The following CACNA2D3 variants were observed in gnomAD, a reference collection of about 807,000 sequenced individuals.
CACNA2D3 encodes calcium voltage-gated channel auxiliary subunit alpha2delta 3, also known as voltage-dependent calcium channel subunit alpha-2/delta-3.
CACNA2D3 carries 60 observed loss-of-function variants against 160.6 expected under a neutral mutation model. The ratio of observed to expected loss-of-function variants is 0.37; its 90% confidence interval spans 0.30 to 0.46. The LOEUF (loss-of-function observed/expected upper bound fraction) is 0.46. Among genes scored for constraint, CACNA2D3 ranks in the 20% least tolerant of loss-of-function variants. The pLI is 1.00. For synonymous variants in CACNA2D3, 558 were observed against 492.9 expected (o/e 1.13, Z -1.75); for missense variants, 1,205 against 1,365.0 (o/e 0.88, Z 1.85).
intron 11 of CACNA2D3, among the ~76,000 whole-genome samples, chr3:54,643,385 G>A (rs944140080): frequency 2.6e-5 from 4 of 152,122 alleles, no homozygotes; most frequent in Admixed American, 6.5e-5. Flanking sequence ...TTAAGACTAC[G>A]TACATTTTGT....
chr3:55,009,363 T>C (rs1703162164), intron 33 of CACNA2D3, 25 bp from the exon 34 acceptor site: 3 of 1,610,718 alleles, frequency 1.9e-6, no homozygotes, highest in Non-Finnish European at 2.5e-6. Context: ...CGAAGTAACA[T>C]TGGGCTTTTC....
At chr3:54,886,809 A>G (rs2106856424) in intron 23 of CACNA2D3, among the ~76,000 whole-genome samples, 1 of 151,836 alleles carries the variant, frequency 6.6e-6, no homozygotes, top group East Asian at 1.9e-4. Flanking sequence ...ATATTTTTGA[A>G]ATTTGTGTTG....
chr3:55,068,464 A>G (rs1704719916), intron 35 of CACNA2D3, among the ~76,000 whole-genome samples: 1 of 152,170 alleles, frequency 6.6e-6, no homozygotes, highest in Admixed American at 6.5e-5. Context: ...CATTTACTCT[A>G]GTCTAACATG....
chr3:54,861,706 G>C (rs1489459203), intron 17 of CACNA2D3, among the ~76,000 whole-genome samples: 2 of 152,242 alleles, frequency 1.3e-5, no homozygotes, highest in African/African-American at 4.8e-5. Flanking sequence ...AGATTGATAT[G>C]ATCCAATTCC....
At chr3:54,245,634 G>A (rs1203512709) in intron 2 of CACNA2D3, among the ~76,000 whole-genome samples, 1 of 152,146 alleles carries the variant, frequency 6.6e-6, no homozygotes, top group Non-Finnish European at 1.5e-5. Context: ...TGCAGTTGTT[G>A]CCTGGTATAA....
At chr3:54,623,762 C>A (rs1434767382) in intron 9 of CACNA2D3, among the ~76,000 whole-genome samples, 1 of 152,176 alleles carries the variant, frequency 6.6e-6, no homozygotes, top group Non-Finnish European at 1.5e-5. Context: ...CTAATGAGCA[C>A]TTGAAATGAG....
intron 17 of CACNA2D3, among the ~76,000 whole-genome samples, chr3:54,866,209 A>G (rs992163596): frequency 2.6e-5 from 4 of 152,188 alleles, no homozygotes; most frequent in African/African-American, 9.7e-5. Context: ...TAGGTGAACA[A>G]ATGAGTGAAT....
intron 11 of CACNA2D3, among the ~76,000 whole-genome samples, chr3:54,657,712 C>G (rs1699899002): frequency 1.3e-5 from 2 of 152,140 alleles, no homozygotes; most frequent in Admixed American, 6.5e-5. Flanking sequence ...TTCCTTCTTT[C>G]CAAGGCTGGG....
intron 4 of CACNA2D3, among the ~76,000 whole-genome samples, chr3:54,492,938 T>C (rs539071739): frequency 1.3e-5 from 2 of 152,302 alleles, no homozygotes; most frequent in South Asian, 4.1e-4. Context: ...TACTTTAATT[T>C]CCATTTACAT....
chr3:54,268,663 C>G (rs866093093), intron 2 of CACNA2D3, among the ~76,000 whole-genome samples: 1 of 152,138 alleles, frequency 6.6e-6, no homozygotes, highest in African/African-American at 2.4e-5. Flanking sequence ...ACCCGCTTGG[C>G]CTCCCAAAGT....
chr3:54,628,652 G>C (rs1699173185), intron 10 of CACNA2D3, among the ~76,000 whole-genome samples: 1 of 151,250 alleles, frequency 6.6e-6, no homozygotes, highest in Non-Finnish European at 1.5e-5. Flanking sequence ...AAGATGTTAA[G>C]AAGCAGAAAA....
intron 9 of CACNA2D3, among the ~76,000 whole-genome samples, chr3:54,606,801 A>AC (rs1698637014): frequency 6.6e-6 from 1 of 151,894 alleles, no homozygotes; most frequent in East Asian, 1.9e-4. Flanking sequence ...ACTTCTTTTC[A>AC]CCCCCTCTCT....
rs72870668 is a variant in CACNA2D3 at position 54,670,041 on chromosome 3, G to A, written c.1167+27800G>A. Among the ~76,000 whole-genome samples the A allele has an allele frequency of 1.2e-3, 185 of 152,262 alleles. 1 individual carries two copies. The highest frequency in any genetic ancestry group is 3.9e-3 in the African/African-American group (162 of 41,558). On this transcript the variant is annotated intron_variant, in intron 11 of 37. Transcript: ENST00000474759. ...ACTGAAACAACAAAATGTCCAGTTT[G>A]ATTTCCCCATCATATAGCTGGGGAA...
At chr3:54,303,214 T>G (rs551028965) in intron 2 of CACNA2D3, among the ~76,000 whole-genome samples, 7 of 152,178 alleles carry the variant, frequency 4.6e-5, no homozygotes, top group African/African-American at 1.7e-4. Flanking sequence ...ATTGCTTTTC[T>G]TCTCTGGAGT....
intron 4 of CACNA2D3, among the ~76,000 whole-genome samples, chr3:54,465,271 G>T (rs953895646): frequency 6.6e-6 from 1 of 151,184 alleles, no homozygotes; most frequent in Non-Finnish European, 1.5e-5. Context: ...TGAATTTCCT[G>T]TTTGATTACT....
intron 11 of CACNA2D3, among the ~76,000 whole-genome samples, chr3:54,680,916 A>G (rs1700334017): frequency 6.6e-6 from 1 of 152,172 alleles, no homozygotes; most frequent in Non-Finnish European, 1.5e-5. Flanking sequence ...TGCCAAGTGC[A>G]GGGCTGGTCC....
At chr3:54,828,707 G>A (rs1703798977) in intron 14 of CACNA2D3, among the ~76,000 whole-genome samples, 1 of 152,112 alleles carries the variant, frequency 6.6e-6, no homozygotes, top group Admixed American at 6.6e-5. Context: ...CAACAATTTA[G>A]CTCATACAAG....
At chr3:55,051,770 A>G (rs1462599712) in intron 35 of CACNA2D3, among the ~76,000 whole-genome samples, 1 of 152,052 alleles carries the variant, frequency 6.6e-6, no homozygotes, top group Admixed American at 6.6e-5. Context: ...CCGTGGGCGT[A>G]GGACCCTCCG....
intron 35 of CACNA2D3, among the ~76,000 whole-genome samples, chr3:55,072,807 T>A (rs1012007897): frequency 6.6e-6 from 1 of 152,238 alleles, no homozygotes; most frequent in Non-Finnish European, 1.5e-5. Flanking sequence ...TAAGTTGGAC[T>A]AACTATCCTG....
Sources: allele counts gnomAD v4.1 joint callset (sites outside exome capture counted in the v4.1 genomes callset), GRCh38; gene constraint gnomAD v4.1.1; transcripts MANE v1.5; gene names NCBI Gene and HGNC (gene_info 2026-07-23, HGNC 2026-07-21).